Variants in ARHGAP10 observed in about 807,000 individuals in gnomAD.
The protein encoded by ARHGAP10 is Rho GTPase activating protein 10, also known as rho GTPase-activating protein 10.
A neutral mutation model predicts 108.6 loss-of-function variants in ARHGAP10; 87 were observed. The ratio of observed to expected loss-of-function variants is 0.80; its 90% CI spans 0.67 to 0.96. The LOEUF is 0.96. Among genes scored for constraint, ARHGAP10 ranks in the 40% least tolerant of loss-of-function variants. The probability of loss-of-function intolerance (pLI) is 0.00; values close to 1 mark genes in which losing one functional copy is unlikely to be tolerated. For missense variants in ARHGAP10, 939 were observed against 954.5 expected (o/e 0.98, Z 0.21); for synonymous variants, 347 against 341.1 (o/e 1.02, Z -0.19).
intron 1 of ARHGAP10, among the ~76,000 whole-genome samples, chr4:147,788,114 T>A (rs1044860735): frequency 5.0e-5 from 7 of 141,108 alleles, no homozygotes; most frequent in African/African-American, 1.8e-4. Flanking sequence ...ACACCATAAA[T>A]AGCTCCTTTT....
intron 3 of ARHGAP10, among the ~76,000 whole-genome samples, chr4:147,839,043 T>C: frequency 6.6e-6 from 1 of 152,168 alleles, no homozygotes; most frequent in East Asian, 1.9e-4. Flanking sequence ...TTCTTTTTTT[T>C]CCTAACAGAT....
At chr4:147,957,357 AG>A (rs1237843130) in intron 16 of ARHGAP10, among the ~76,000 whole-genome samples, 2 of 152,218 alleles carry the variant, frequency 1.3e-5, no homozygotes, top group South Asian at 4.2e-4. Context: ...TCTTTTAGAG[AG>A]TGTGGGAACA....
chr4:148,036,840 G>A (rs1352005459), intron 19 of ARHGAP10, among the ~76,000 whole-genome samples: 1 of 152,084 alleles, frequency 6.6e-6, no homozygotes. Context: ...TGTGTGTACT[G>A]GTCATTCCAT....
At chr4:147,867,884 AAAG>A (rs1734632814) in intron 7 of ARHGAP10, among the ~76,000 whole-genome samples, 1 of 147,970 alleles carries the variant, frequency 6.8e-6, no homozygotes, top group Non-Finnish European at 1.5e-5. Flanking sequence ...AAAAAAAAAA[AAAG>A]TTGAGAGTGA....
chr4:147,775,959 C>A (rs527797288), intron 1 of ARHGAP10, among the ~76,000 whole-genome samples: 3 of 152,262 alleles, frequency 2.0e-5, no homozygotes, highest in African/African-American at 4.8e-5. Context: ...TAGAAAAGTT[C>A]CGTAAGCTGG....
At chr4:147,769,292 T>A (rs527780379) in intron 1 of ARHGAP10, among the ~76,000 whole-genome samples, 18 of 152,260 alleles carry the variant, frequency 1.2e-4, no homozygotes, top group Admixed American at 1.0e-3. Flanking sequence ...ATTAGGGAAA[T>A]TACTCAGTAA....
intron 1 of ARHGAP10, among the ~76,000 whole-genome samples, chr4:147,774,077 A>T (rs1308839364): frequency 6.6e-6 from 1 of 152,208 alleles, no homozygotes; most frequent in Non-Finnish European, 1.5e-5. Context: ...ATGGGATAAT[A>T]ATAATATTCA....
At chr4:148,014,910 A>G (rs1294674031) in intron 18 of ARHGAP10, among the ~76,000 whole-genome samples, 2 of 152,246 alleles carry the variant, frequency 1.3e-5, no homozygotes, top group Non-Finnish European at 2.9e-5. Context: ...TATATTGTAG[A>G]AAAGTACTTT....
chr4:147,825,717 A>C (rs898414569), intron 3 of ARHGAP10, among the ~76,000 whole-genome samples: 3 of 152,176 alleles, frequency 2.0e-5, no homozygotes, highest in African/African-American at 4.8e-5. Flanking sequence ...TTTCTAGTAC[A>C]TGGAGCCGAT....
In ARHGAP10 at chr4:147,890,978, C is replaced by T. The variant is rs1735775863; in HGVS notation, c.1034+9046C>T. Among the ~76,000 whole-genome samples the T allele has an allele frequency of 1.3e-5, 2 of 152,142 alleles. 1 individual carries two copies. The highest frequency in any genetic ancestry group is 4.1e-4 in the South Asian group (2 of 4,836). ...CTATAAATAAAAAGTCAGATAATAA[C>T]AAGTACTGGCAAGAATGTAGAGAAA... On this transcript the variant is annotated intron_variant, in intron 10 of 22. Transcript: ENST00000336498.
At chr4:147,870,216 T>C (rs1164276525) in intron 7 of ARHGAP10, among the ~76,000 whole-genome samples, 1 of 152,040 alleles carries the variant, frequency 6.6e-6, no homozygotes, top group Non-Finnish European at 1.5e-5. Context: ...CCTGCCACCA[T>C]GCCCGGCTAA....
At chr4:147,800,746 G>A (rs1242390186) in intron 1 of ARHGAP10, among the ~76,000 whole-genome samples, 1 of 152,088 alleles carries the variant, frequency 6.6e-6, no homozygotes, top group East Asian at 1.9e-4. Context: ...GGTTTATAGC[G>A]CTTAGTAGGG....
At chr4:148,009,857 C>T (rs542524769) in intron 18 of ARHGAP10, among the ~76,000 whole-genome samples, 2 of 152,222 alleles carry the variant, frequency 1.3e-5, no homozygotes, top group African/African-American at 4.8e-5. Context: ...CTTTTGGGAC[C>T]TCAAGTGTTG....
At chr4:147,817,909 T>C (rs937975811) in intron 1 of ARHGAP10, among the ~76,000 whole-genome samples, 20 of 152,222 alleles carry the variant, frequency 1.3e-4, no homozygotes, top group African/African-American at 4.3e-4. Flanking sequence ...TCCATTTAAT[T>C]GCAATTCTGC....
intron 1 of ARHGAP10, among the ~76,000 whole-genome samples, chr4:147,740,511 A>T (rs924784): frequency 3.3e-5 from 5 of 152,256 alleles, no homozygotes; most frequent in South Asian, 2.1e-4. Context: ...TTCTTTTTAC[A>T]TTAGTATGAT....
intron 22 of ARHGAP10, among the ~76,000 whole-genome samples, chr4:148,068,557 CTGGT>C (rs1730006673): frequency 6.6e-6 from 1 of 152,160 alleles, no homozygotes. Context: ...TTATGTGCTT[CTGGT>C]TAAGCTCACA....
intron 1 of ARHGAP10, among the ~76,000 whole-genome samples, chr4:147,810,350 T>C (rs1160288161): frequency 6.6e-6 from 1 of 152,258 alleles, no homozygotes; most frequent in Non-Finnish European, 1.5e-5. Flanking sequence ...CATTCATTGT[T>C]CACAGTTAAC....
At chr4:148,038,826 T>C (rs1728495171) in intron 19 of ARHGAP10, among the ~76,000 whole-genome samples, 1 of 152,230 alleles carries the variant, frequency 6.6e-6, no homozygotes, top group Admixed American at 6.5e-5. Flanking sequence ...TTGGTTGAAG[T>C]CTGTTTTTCC....
At chr4:147,862,453 C>G (rs973558062) in intron 5 of ARHGAP10, 1 of 152,598 alleles carries the variant, frequency 6.6e-6, no homozygotes, top group Non-Finnish European at 1.5e-5. Context: ...CCTGATAACT[C>G]TGTAGAAGTT....
Sources: gnomAD v4.1 joint callset for allele counts (sites outside exome capture counted in the v4.1 genomes callset) on GRCh38, gnomAD v4.1.1 for gene constraint, MANE v1.5 for transcripts, NCBI Gene and HGNC (gene_info 2026-07-23, HGNC 2026-07-21) for gene names.